Variants in KCNQ3 observed in about 807,000 individuals in gnomAD.
KCNQ3 encodes potassium voltage-gated channel subfamily Q member 3, also known as potassium voltage-gated channel subfamily KQT member 3.
KCNQ3 carries 30 observed loss-of-function variants against 92.5 expected under a neutral mutation model. The observed-to-expected ratio is 0.32, with a 90% CI of 0.24 to 0.44. The LOEUF (loss-of-function observed/expected upper bound fraction) is 0.44. Among genes scored for constraint, KCNQ3 ranks in the 20% least tolerant of loss-of-function variants. The pLI is 1.00. For synonymous variants in KCNQ3, 450 were observed against 468.8 expected, an observed-to-expected ratio of 0.96 and a Z score of 0.52; for missense variants, 913 against 1,140.3, an observed-to-expected ratio of 0.80 and a Z score of 2.87.
chr8:132,427,262 C>T (rs1168103104), intron 1 of KCNQ3, among the ~76,000 whole-genome samples: 1 of 152,154 alleles, frequency 6.6e-6, no homozygotes, highest in African/African-American at 2.4e-5. Context: ...ACCAGTCTTG[C>T]ACACAGAGCC....
chr8:132,457,841 G>A (rs926158927), intron 1 of KCNQ3, among the ~76,000 whole-genome samples: 5 of 152,216 alleles, frequency 3.3e-5, no homozygotes, highest in African/African-American at 4.8e-5. Flanking sequence ...TTTTACCAAC[G>A]AAGAATTTGA....
At chr8:132,191,873 G>A (rs193227309) in intron 1 of KCNQ3, among the ~76,000 whole-genome samples, 1 of 152,108 alleles carries the variant, frequency 6.6e-6, no homozygotes, top group East Asian at 1.9e-4. Flanking sequence ...GCACTGGGAG[G>A]GGTCTTGGGG....
rs183457058 is a variant in KCNQ3, at chr8:132,199,156, G to A, written c.387-12975C>T. Among the ~76,000 whole-genome samples, 101 of 152,194 alleles carry A rather than the reference G, an allele frequency of 6.6e-4. 1 individual carries two copies. The highest frequency in any genetic ancestry group is 2.3e-3 in the African/African-American group (96 of 41,522). On this transcript the variant is annotated intron_variant, in intron 1 of 14. Coordinates refer to ENST00000388996, the MANE Select transcript of KCNQ3 (RefSeq NM_004519.4). ...ATGGAAAGCTGTTTTAAATACAGCA[G>A]GGTCATTGACAGGTGACGATCTTGC...
At chr8:132,204,534 GGCAATTGTTC>G (rs988275365) in intron 1 of KCNQ3, among the ~76,000 whole-genome samples, 1 of 152,130 alleles carries the variant, frequency 6.6e-6, no homozygotes, top group African/African-American at 2.4e-5. Context: ...TGGGCATCAG[GGCAATTGTTC>G]TGCTCCCTGT....
chr8:132,372,917 A>T (rs1347290304), intron 1 of KCNQ3, among the ~76,000 whole-genome samples: 1 of 152,156 alleles, frequency 6.6e-6, no homozygotes, highest in Non-Finnish European at 1.5e-5. Context: ...TCCTGGGGGA[A>T]AGTTCCCTGT....
At chr8:132,154,682 C>T (rs1467941502) in intron 9 of KCNQ3, among the ~76,000 whole-genome samples, 1 of 152,194 alleles carries the variant, frequency 6.6e-6, no homozygotes, top group East Asian at 1.9e-4. Flanking sequence ...AGCCTGGCCT[C>T]TCCTGTTCCT....
chr8:132,332,009 T>C (rs921990571), intron 1 of KCNQ3, among the ~76,000 whole-genome samples: 2 of 152,188 alleles, frequency 1.3e-5, no homozygotes, highest in African/African-American at 4.8e-5. Flanking sequence ...TCCCCTCCCC[T>C]TGAATGTGGT....
intron 1 of KCNQ3, among the ~76,000 whole-genome samples, chr8:132,345,084 G>C (rs552674395): frequency 6.6e-6 from 1 of 152,240 alleles, no homozygotes; most frequent in South Asian, 2.1e-4. Context: ...AACTTGCTGA[G>C]GGATTTTAAG....
At chr8:132,253,412 C>G (rs1815480935) in intron 1 of KCNQ3, among the ~76,000 whole-genome samples, 1 of 152,144 alleles carries the variant, frequency 6.6e-6, no homozygotes, top group Admixed American at 6.5e-5. Context: ...TACTATGTGC[C>G]AAGTACTGGT....
At position 132,458,722 on chromosome 8, in the gene KCNQ3, T is replaced by C. The variant is rs567181961; in HGVS notation, c.386+21425A>G. ...CTCCCGCCTTAGCCTCCCAAAGTGCTGGGATTATAGGCATGAGCCACTGCA... is the reference window on the plus strand; with the variant it reads ...CTCCCGCCTTAGCCTCCCAAAGTGCCGGGATTATAGGCATGAGCCACTGCA... On this transcript the variant is annotated intron_variant, in intron 1 of 14. Transcript: ENST00000388996. Among the ~76,000 whole-genome samples, 48 of 152,356 alleles carry C rather than the reference T, an allele frequency of 3.2e-4. 1 individual carries two copies. The highest frequency in any genetic ancestry group is 2.3e-3 in the South Asian group (11 of 4,830).
At chr8:132,166,772 G>C (rs909543180) in intron 8 of KCNQ3, among the ~76,000 whole-genome samples, 16 of 152,180 alleles carry the variant, frequency 1.1e-4, no homozygotes, top group Admixed American at 9.2e-4. Flanking sequence ...ACTACACTAA[G>C]CTGAAAATTG....
intron 1 of KCNQ3, among the ~76,000 whole-genome samples, chr8:132,332,069 G>T (rs1247296710): frequency 6.6e-6 from 1 of 152,190 alleles, no homozygotes; most frequent in African/African-American, 2.4e-5. Flanking sequence ...AGAGTGATGG[G>T]ATGTCACTTC....
chr8:132,422,000 A>C (rs1820978322), intron 1 of KCNQ3, among the ~76,000 whole-genome samples: 1 of 152,240 alleles, frequency 6.6e-6, no homozygotes, highest in Non-Finnish European at 1.5e-5. Flanking sequence ...CATCAGTGTT[A>C]GAAAGAGAGA....
chr8:132,134,509 G>A, intron 12 of KCNQ3, 121 bp from the exon 13 acceptor site: 1 of 736,458 alleles, frequency 1.4e-6, no homozygotes, highest in Non-Finnish European at 2.4e-6. Context: ...GGAGAGGAGA[G>A]GAGAGGAGAA....
intron 1 of KCNQ3, among the ~76,000 whole-genome samples, chr8:132,432,975 G>C (rs1821291922): frequency 6.6e-6 from 1 of 152,084 alleles, no homozygotes; most frequent in East Asian, 1.9e-4. Flanking sequence ...CCAAATTCTG[G>C]GTTAGATAAA....
chr8:132,229,759 TG>T (rs1359725761), intron 1 of KCNQ3, among the ~76,000 whole-genome samples: 1 of 151,998 alleles, frequency 6.6e-6, no homozygotes, highest in Admixed American at 6.6e-5. Flanking sequence ...GGCATGTTCT[TG>T]TCAATAAATA....
At chr8:132,419,546 A>AT (rs1194245426) in intron 1 of KCNQ3, among the ~76,000 whole-genome samples, 1 of 152,140 alleles carries the variant, frequency 6.6e-6, no homozygotes, top group Admixed American at 6.6e-5. Flanking sequence ...GAAAACCATC[A>AT]TGGGGGCCAG....
intron 1 of KCNQ3, among the ~76,000 whole-genome samples, chr8:132,331,150 G>A (rs1818216917): frequency 6.6e-6 from 1 of 152,104 alleles, no homozygotes; most frequent in Non-Finnish European, 1.5e-5. Flanking sequence ...CCTTTACCAG[G>A]AGAACTCCAT....
At chr8:132,284,516 G>T (rs1050258074) in intron 1 of KCNQ3, among the ~76,000 whole-genome samples, 1 of 151,850 alleles carries the variant, frequency 6.6e-6, no homozygotes, top group Non-Finnish European at 1.5e-5. Flanking sequence ...CTTTGGATAT[G>T]AGTGTCCCAT....
Sources: allele counts gnomAD v4.1 joint callset (sites outside exome capture counted in the v4.1 genomes callset), GRCh38; gene constraint gnomAD v4.1.1; transcripts MANE v1.5; gene names NCBI Gene and HGNC (gene_info 2026-07-23, HGNC 2026-07-21).